DLC1: variants seen among roughly 807,000 people sequenced by gnomAD.
DLC1 encodes the protein rho GTPase-activating protein 7.
Under a neutral mutation model 140.3 loss-of-function variants are expected in DLC1, and 54 were observed. The ratio of observed to expected loss-of-function variants is 0.38; its 90% CI spans 0.31 to 0.48. The LOEUF (loss-of-function observed/expected upper bound fraction) is 0.48, where lower values mean the gene tolerates loss of function less well. Among genes scored for constraint, DLC1 ranks in the 20% least tolerant of loss-of-function variants. The pLI is 0.96. For synonymous variants in DLC1, 986 were observed against 728.1 expected, an observed-to-expected ratio of 1.35 and a Z score of -5.70; for missense variants, 2,536 against 1,907.0, an observed-to-expected ratio of 1.33 and a Z score of -6.14.
intron 1 of DLC1, among the ~76,000 whole-genome samples, chr8:13,575,921 T>C (rs1171328400): frequency 6.6e-6 from 1 of 152,212 alleles, no homozygotes; most frequent in Non-Finnish European, 1.5e-5. Flanking sequence ...TGAGTATCTG[T>C]GTGGCAAGAG....
chr8:13,122,448 T>G, intron 5 of DLC1, among the ~76,000 whole-genome samples: 1 of 151,980 alleles, frequency 6.6e-6, no homozygotes. Context: ...AAAGACAACT[T>G]TTTGCACAAA....
intron 1 of DLC1, among the ~76,000 whole-genome samples, chr8:13,583,332 T>C (rs944641736): frequency 6.6e-6 from 1 of 152,210 alleles, no homozygotes; most frequent in Admixed American, 6.5e-5. Flanking sequence ...TTTCACAGCA[T>C]CTTCATCAGG....
intron 4 of DLC1, among the ~76,000 whole-genome samples, chr8:13,365,576 T>C (rs951379540): frequency 6.6e-6 from 1 of 152,154 alleles, no homozygotes; most frequent in Non-Finnish European, 1.5e-5. Context: ...TTTGAGAATG[T>C]TGGAGTCCAC....
intron 5 of DLC1, chr8:13,133,272 G>C (rs1355203145): frequency 1.7e-5 from 22 of 1,327,202 alleles, no homozygotes; most frequent in East Asian, 1.0e-4. Context: ...GCCCTCGCTC[G>C]GGCAGTCGGA....
At chr8:13,443,220 G>A (rs1375742957) in intron 2 of DLC1, among the ~76,000 whole-genome samples, 1 of 151,470 alleles carries the variant, frequency 6.6e-6, no homozygotes, top group Non-Finnish European at 1.5e-5. Context: ...GGGGGGAAGG[G>A]GGAGGGATAG....
rs533603178 is a variant in DLC1 at position 13,084,302 on chromosome 8, G to C, written c.*1509C>G. On this transcript the variant is annotated 3_prime_UTR_variant, in exon 18 of 18. Transcript: ENST00000276297. ...TCAAATTTTAAAACTCTAATCTGAT[G>C]CCCTGCCCCAAAATTCTTCAAAGAA... The C allele has an allele frequency of 6.6e-6, 1 of 152,588 alleles. No individual in the cohort carries two copies. The highest frequency in any genetic ancestry group is 2.4e-5 in the African/African-American group (1 of 41,536). 9.5% of individuals were successfully genotyped at this position (152,588 alleles called of 1,614,324 possible).
At chr8:13,279,550 C>T (rs918680117) in intron 5 of DLC1, among the ~76,000 whole-genome samples, 1 of 152,254 alleles carries the variant, frequency 6.6e-6, no homozygotes, top group Admixed American at 6.5e-5. Flanking sequence ...CATTTTTGAG[C>T]AAGGCAAACT....
chr8:13,198,465 T>G (rs912237536), intron 5 of DLC1, among the ~76,000 whole-genome samples: 1 of 152,192 alleles, frequency 6.6e-6, no homozygotes, highest in Non-Finnish European at 1.5e-5. Flanking sequence ...GAAAGAATGT[T>G]TGTTTGTTTT....
chr8:13,196,520 C>T (rs1827070837), intron 5 of DLC1, among the ~76,000 whole-genome samples: 1 of 152,174 alleles, frequency 6.6e-6, no homozygotes, highest in African/African-American at 2.4e-5. Context: ...CATAGGCTTA[C>T]TATGAACCAT....
At chr8:13,306,558 T>TTGTGTG (rs33946205) in intron 4 of DLC1, among the ~76,000 whole-genome samples, 1 of 142,844 alleles carries the variant, frequency 7.0e-6, no homozygotes, top group African/African-American at 2.6e-5. Context: ...GTGTGTGTGT[T>TTGTGTG]TGTGTGTGTG....
At chr8:13,185,324 T>A (rs12676532) in intron 5 of DLC1, among the ~76,000 whole-genome samples, 21,603 of 135,900 alleles carry the variant, frequency 0.16, 2,101 homozygotes, top group South Asian at 0.23. Context: ...TTGTTTGTTT[T>A]TGAGATGGAG....
chr8:13,406,264 C>T (rs1268277883), intron 2 of DLC1, among the ~76,000 whole-genome samples: 3 of 144,866 alleles, frequency 2.1e-5, no homozygotes, highest in Non-Finnish European at 4.5e-5. Context: ...GTGATCCGCC[C>T]ACCTCAGCCT....
At chr8:13,372,149 T>C (rs1324194383) in intron 4 of DLC1, among the ~76,000 whole-genome samples, 1 of 151,786 alleles carries the variant, frequency 6.6e-6, no homozygotes, top group African/African-American at 2.4e-5. Flanking sequence ...AAAAAAAGTG[T>C]GTGTGTGTGT....
intron 2 of DLC1, among the ~76,000 whole-genome samples, chr8:13,431,102 C>A (rs374336871): frequency 5.9e-5 from 9 of 152,146 alleles, no homozygotes; most frequent in African/African-American, 1.9e-4. Context: ...CTCAGAAACA[C>A]TATTCAAAGT....
chr8:13,551,226 G>A (rs7833429), intron 1 of DLC1, among the ~76,000 whole-genome samples: 119,434 of 151,472 alleles, frequency 0.79, 47,344 homozygotes, highest in East Asian at 0.96. Flanking sequence ...AGTTGTAGTC[G>A]GCCAAAACAA....
chr8:13,304,213 C>T (rs1832323807), intron 5 of DLC1, among the ~76,000 whole-genome samples: 1 of 152,108 alleles, frequency 6.6e-6, no homozygotes, highest in South Asian at 2.1e-4. Flanking sequence ...ACCACAATTA[C>T]TTTTGCACCA....
In DLC1 at chr8:13,092,655, G is replaced by C; in HGVS notation, c.3697C>G (p.Leu1233Val). The C allele has an allele frequency of 1.2e-6, 2 of 1,614,184 alleles. No individual in the cohort carries two copies. The highest frequency in any genetic ancestry group is 1.7e-6 in the Non-Finnish European group (2 of 1,180,030). ...CTCTTCAGGGTGTTGAGATGGAAGA[G>C]GGAAGGCGCTAAGCACACGGCCAGG... is the stretch of plus-strand genomic sequence containing the variant. Reference protein sequence around the residue: ...TNLAVCLAPSLFHLNTLKREN... With the variant: ...TNLAVCLAPSVFHLNTLKREN... Residue 1233 changes from leucine to valine, a missense_variant, in exon 13 of 18, where the codon CTC (leucine) becomes GTC (valine). Physicochemically the swap from Leu to Val is conservative, Grantham distance 32. Coordinates refer to ENST00000276297, the MANE Select transcript of DLC1 (RefSeq NM_182643.3).
intron 2 of DLC1, 39 bp from the exon 3 acceptor site, chr8:13,401,658 C>A: frequency 6.3e-7 from 1 of 1,590,060 alleles, no homozygotes. Flanking sequence ...TCTGAAAGGC[C>A]ATTTCTTAAT....
intron 2 of DLC1, among the ~76,000 whole-genome samples, chr8:13,450,452 C>CA (rs759911909): frequency 0.025 from 1,295 of 51,402 alleles, 40 homozygotes; most frequent in Middle Eastern, 0.057. Flanking sequence ...GAGACTGTCT[C>CA]AAAAAAAAAA....
Sources: gnomAD v4.1 joint callset for allele counts (sites outside exome capture counted in the v4.1 genomes callset) on GRCh38, gnomAD v4.1.1 for gene constraint, MANE v1.5 for transcripts, NCBI Gene and HGNC (gene_info 2026-07-23, HGNC 2026-07-21) for gene names.